Variants in RYR2 observed in about 807,000 individuals in gnomAD.
RYR2 encodes cardiac muscle ryanodine receptor-calcium release channel.
RYR2 carries 227 observed loss-of-function variants against 601.1 expected under a neutral mutation model. The ratio of observed to expected loss-of-function variants is 0.38; its 90% CI spans 0.34 to 0.42. The LOEUF (loss-of-function observed/expected upper bound fraction) is 0.42. Ranked by LOEUF, RYR2 falls within the 10% of genes least tolerant of loss-of-function variation. The pLI, the probability that RYR2 is intolerant of heterozygous loss-of-function variation, is 1.00. For missense variants in RYR2, 4,646 were observed against 6,156.5 expected (o/e 0.75, Z 8.21); for synonymous variants, 2,223 against 2,175.1 (o/e 1.02, Z -0.61).
intron 6 of RYR2, among the ~76,000 whole-genome samples, chr1:237,370,333 C>T (rs1700538155): frequency 6.6e-6 from 1 of 151,942 alleles, no homozygotes; most frequent in South Asian, 2.1e-4. Context: ...GACCAGAAGC[C>T]TTACCAATAC....
intron 29 of RYR2, among the ~76,000 whole-genome samples, chr1:237,576,492 A>G (rs12131136): frequency 6.6e-6 from 1 of 151,902 alleles, no homozygotes; most frequent in Admixed American, 6.6e-5. Context: ...GTAGTGTGTC[A>G]GTATGTTGGA....
intron 10 of RYR2, 82 bp downstream of exon 10, chr1:237,388,265 C>G (rs1402130665): frequency 8.9e-7 from 1 of 1,127,692 alleles, no homozygotes; most frequent in Non-Finnish European, 1.3e-6. Context: ...TCTATTCATT[C>G]AGGCCAGTAG....
intron 21 of RYR2, 112 bp downstream of exon 21, chr1:237,501,015 G>A: frequency 1.9e-6 from 2 of 1,044,722 alleles, no homozygotes; most frequent in South Asian, 1.4e-5. Flanking sequence ...TCTCTCCTGG[G>A]CACCTGTCCT....
intron 25 of RYR2, among the ~76,000 whole-genome samples, chr1:237,545,866 C>T (rs1350145421): frequency 6.6e-6 from 1 of 151,554 alleles, no homozygotes; most frequent in Non-Finnish European, 1.5e-5. Context: ...TGAAGAGCGG[C>T]CTGGGCAACA....
intron 2 of RYR2, among the ~76,000 whole-genome samples, chr1:237,278,082 T>C (rs1198257055): frequency 6.6e-6 from 1 of 151,892 alleles, no homozygotes; most frequent in African/African-American, 2.4e-5. Flanking sequence ...TGTTGTTTTG[T>C]TTTTTTGAGT....
intron 11 of RYR2, among the ~76,000 whole-genome samples, chr1:237,417,448 T>C (rs542452047): frequency 6.6e-6 from 1 of 152,224 alleles, no homozygotes; most frequent in South Asian, 2.1e-4. Context: ...TAGGACAGAG[T>C]GATGTAAGAT....
intron 1 of RYR2, among the ~76,000 whole-genome samples, chr1:237,225,882 C>T (rs1429479903): frequency 1.3e-5 from 2 of 151,978 alleles, no homozygotes; most frequent in Non-Finnish European, 2.9e-5. Flanking sequence ...TGGTGAAACC[C>T]TGTCTCTACT....
chr1:237,385,615 G>A (rs111559388), intron 8 of RYR2, among the ~76,000 whole-genome samples: 6 of 152,294 alleles, frequency 3.9e-5, no homozygotes, highest in African/African-American at 1.4e-4. Context: ...ATATGAGCAC[G>A]GGTATTTTGA....
Position 237,784,044 on chromosome 1 carries a change from A to G in RYR2, c.12332A>G (p.Asn4111Ser), listed in dbSNP as rs1255252261. The change falls in exon 90 of 105, where the codon AAC (asparagine) becomes AGC (serine). Residue 4111 changes from asparagine to serine, a missense_variant. By Grantham distance (46) the Asn-to-Ser change is conservative (BLOSUM62 1). Coordinates refer to ENST00000366574, the MANE Select transcript of RYR2 (RefSeq NM_001035.3). The surrounding 1 kb of genome is among the most constrained non-coding windows in gnomAD (Gnocchi z 7.1). ...LLTNLSEHMP[N>S]DTRLQTFLEL... is the part of the protein sequence containing the mutation. ...ACAAACCTCTCTGAGCACATGCCCA[A>G]CGATACCCGACTTCAGACTTTTCTG... is the stretch of plus-strand genomic sequence containing the variant. 5.6e-6 allele frequency: 9 copies of G among 1,613,902 alleles called. No individual in the cohort carries two copies. Among genetic ancestry groups the G allele is most frequent in the Admixed American group, 1.7e-5 (1 of 60,000 alleles).
Position 237,108,640 on chromosome 1 carries a change from A to T in RYR2, c.48+66071A>T, listed in dbSNP as rs1669044916. ...CATAGGAAGTAGAGAGGGCTGAGAG[A>T]GGCCGGGAGTGTGTAGGGGCGTGGA... On this transcript the variant is annotated intron_variant, in intron 1 of 104. Coordinates refer to ENST00000366574, the MANE Select transcript of RYR2 (RefSeq NM_001035.3). Among the ~76,000 whole-genome samples, 2 of 152,188 alleles carry T rather than the reference A, an allele frequency of 1.3e-5. 1 individual carries two copies. Among genetic ancestry groups the T allele is most frequent in the Admixed American group, 1.3e-4 (2 of 15,280 alleles).
At chr1:237,630,102 C>T (rs1680095305) in intron 41 of RYR2, among the ~76,000 whole-genome samples, 1 of 152,082 alleles carries the variant, frequency 6.6e-6, no homozygotes, top group African/African-American at 2.4e-5. Context: ...TCTTTCTTAA[C>T]ACACAACAGT....
At chr1:237,790,296 C>T (rs768899121) in intron 92 of RYR2, among the ~76,000 whole-genome samples, 14 of 152,076 alleles carry the variant, frequency 9.2e-5, no homozygotes, top group East Asian at 5.8e-4. Context: ...TACAACCCAA[C>T]GATAATTATT....
chr1:237,531,509 G>A (rs532917499), intron 25 of RYR2, among the ~76,000 whole-genome samples: 1 of 152,214 alleles, frequency 6.6e-6, no homozygotes, highest in East Asian at 1.9e-4. Flanking sequence ...TTAAATAATA[G>A]CATCGAGATA....
chr1:237,400,471 A>G (rs1703253808), intron 10 of RYR2, among the ~76,000 whole-genome samples: 1 of 152,136 alleles, frequency 6.6e-6, no homozygotes, highest in Non-Finnish European at 1.5e-5. Flanking sequence ...GCATGTAAAG[A>G]GAGACCCTGA....
intron 12 of RYR2, among the ~76,000 whole-genome samples, chr1:237,437,176 C>G (rs1707480647): frequency 1.3e-5 from 2 of 151,942 alleles, no homozygotes; most frequent in African/African-American, 4.8e-5. Context: ...TCCCAAGTAG[C>G]TGGGACTACA....
In RYR2 at chr1:237,701,665, G is replaced by C. The variant is rs867357007; in HGVS notation, c.9368-313G>C. ...CATTGTGCCCATTAAGTAATTTCTC[G>C]TCATCCACCCCCTCCTGCCCCCTCA... On this transcript the variant is annotated intron_variant, in intron 65 of 104. Transcript: ENST00000366574. 3.3e-5 allele frequency among the ~76,000 whole-genome samples: 5 copies of C among 151,816 alleles called. No homozygotes were observed. The East Asian group carries it at 9.7e-4, about 29-fold the overall frequency.
intron 73 of RYR2, among the ~76,000 whole-genome samples, chr1:237,722,579 G>A (rs944131327): frequency 2.6e-5 from 4 of 151,584 alleles, no homozygotes; most frequent in African/African-American, 4.8e-5. Context: ...GACTACAGGC[G>A]CCCGCCACCA....
intron 19 of RYR2, among the ~76,000 whole-genome samples, chr1:237,495,017 C>A (rs551729778): frequency 1.3e-5 from 2 of 152,258 alleles, no homozygotes; most frequent in South Asian, 4.1e-4. Flanking sequence ...TCTCGAACTC[C>A]TGACCTTGTG....
At chr1:237,103,876 A>G (rs75666800) in intron 1 of RYR2, among the ~76,000 whole-genome samples, 5,745 of 152,070 alleles carry the variant, frequency 0.038, 162 homozygotes, top group East Asian at 0.13. Context: ...GCCCCTGTCA[A>G]TTCTTTGAAC....
Sources: gnomAD v4.1 joint callset for allele counts (sites outside exome capture counted in the v4.1 genomes callset) on GRCh38, gnomAD v4.1.1 for gene constraint, Gnocchi (gnomAD v3.1) non-coding constraint, MANE v1.5 for transcripts, NCBI Gene and HGNC (gene_info 2026-07-23, HGNC 2026-07-21) for gene names.